Variants in MGAM observed in about 807,000 individuals in gnomAD.
The protein encoded by MGAM is alpha-1,4-glucosidase.
Under a neutral mutation model 358.8 loss-of-function variants are expected in MGAM, and 253 were observed. The ratio of observed to expected loss-of-function variants is 0.71; its 90% confidence interval spans 0.64 to 0.78. MGAM has a LOEUF of 0.78. Ranked by LOEUF, MGAM falls within the 30% of genes least tolerant of loss-of-function variation. The pLI is 0.00. For synonymous variants in MGAM, 1,105 were observed against 1,227.1 expected (o/e 0.90, Z 2.08); for missense variants, 3,080 against 3,432.6 (o/e 0.90, Z 2.57).
Position 142,052,950 on chromosome 7 carries a change from T to C in MGAM, c.3125T>C (p.Val1042Ala). The C allele has an allele frequency of 6.2e-7, 1 of 1,613,872 alleles. No individual in the cohort carries two copies. The highest frequency in any genetic ancestry group is 8.5e-7 in the Non-Finnish European group (1 of 1,179,832). ...CCCGTGAACCCCCTTCGCCTGGATG[T>C]CACTTACCATAAGAATGAAATGCTG... is the stretch of plus-strand genomic sequence containing the variant. ...STPVNPLRLD[V>A]TYHKNEMLQF... The change falls in exon 26 of 71, where the codon GTC becomes GCC. Residue 1042 changes from valine to alanine, a missense_variant. Coordinates refer to ENST00000475668, the MANE Select transcript of MGAM (RefSeq NM_001365693.1).
At chr7:142,042,058 T>TAC (rs1808834252) in intron 21 of MGAM, among the ~76,000 whole-genome samples, 1 of 74,100 alleles carries the variant, frequency 1.3e-5, no homozygotes, top group Non-Finnish European at 2.3e-5. Flanking sequence ...ATAATATATA[T>TAC]ACATATAATA....
In MGAM at chr7:142,005,522, AT is replaced by A; in HGVS notation, c.-2-3del. On this transcript the variant is annotated splice_polypyrimidine_tract_variant and splice_region_variant and intron_variant, in intron 1 of 70. Transcript: ENST00000475668. ...CAAATCTAAAATTGTTTTCTCTTACATTTTAGAGATGGCAAGAAAGAAGCTG... is the reference window on the plus strand; with the variant it reads ...CAAATCTAAAATTGTTTTCTCTTACATTTAGAGATGGCAAGAAAGAAGCTG... The A allele has an allele frequency of 6.6e-7, 1 of 1,517,744 alleles. No individual in the cohort carries two copies. Among genetic ancestry groups the A allele is most frequent in the Non-Finnish European group, 8.8e-7 (1 of 1,132,748 alleles). The allele number at this position is 1,517,744 out of a possible 1,614,324, so 94.0% of individuals were successfully genotyped here.
chr7:142,025,152 A>G lies in MGAM; in HGVS notation c.982+3A>G, dbSNP rs782792686. On this transcript the variant is annotated splice_donor_region_variant and intron_variant, in intron 8 of 70. Transcript: ENST00000475668. ...TCTGATGAACAGCAATGCCATGGGT[A>G]AAGGAATATTCATGGAAAAAACAAG... The G allele has an allele frequency of 1.3e-6, 2 of 1,593,484 alleles. No homozygotes were observed. The highest frequency in any genetic ancestry group is 8.6e-7 in the Non-Finnish European group (1 of 1,161,356).
intron 2 of MGAM, among the ~76,000 whole-genome samples, chr7:141,989,748 C>T (rs988322825): frequency 3.7e-4 from 57 of 152,086 alleles, no homozygotes; most frequent in African/African-American, 1.4e-3. Context: ...GAAAATTCCC[C>T]AGATTTTCAG....
intron 51 of MGAM, 88 bp downstream of exon 51, chr7:142,082,298 T>C (rs1585076285): frequency 6.9e-7 from 1 of 1,440,958 alleles, no homozygotes; most frequent in Non-Finnish European, 9.5e-7. Context: ...AAACTCCACT[T>C]GGTCGTCACA....
At chr7:142,043,808 T>C (rs1809479278) in intron 21 of MGAM, among the ~76,000 whole-genome samples, 1 of 93,678 alleles carries the variant, frequency 1.1e-5, no homozygotes, top group African/African-American at 3.0e-5. Context: ...ATACATTATA[T>C]ACACATACGA....
rs181664150 is a variant in MGAM at position 142,095,884 on chromosome 7, A to G, written c.7607+171A>G. The G allele has an allele frequency of 2.6e-5, 27 of 1,032,388 alleles. 1 individual carries two copies. In the East Asian group the frequency reaches 2.7e-4, roughly 10 times the overall value. The allele number at this position is 1,032,388 out of a possible 1,614,324, so 64.0% of individuals were successfully genotyped here. A position where few individuals can be genotyped will look rare whatever the true frequency, so the allele number is the denominator to read the frequency against. On this transcript the variant is annotated intron_variant, in intron 64 of 70. Transcript: ENST00000475668. Reference sequence around the variant, plus strand: ...CACAGTGCTATACATGCCTTAGGTCATTAATAAAAGGTTATTGATTGAATG... The same window carrying G: ...CACAGTGCTATACATGCCTTAGGTCGTTAATAAAAGGTTATTGATTGAATG...
rs782423007 is a variant in MGAM at position 142,034,776 on chromosome 7, A to G, written c.1894A>G (p.Thr632Ala). The change falls in exon 16 of 71, where the codon ACC becomes GCC. Residue 632 changes from threonine (T) to alanine (A), a missense_variant. Thr to Ala is a moderately conservative substitution (Grantham distance 58, BLOSUM62 0). Coordinates refer to ENST00000475668, the MANE Select transcript of MGAM (RefSeq NM_001365693.1). ...AAHWLGDNTA[T>A]WDDLRWSIPG... ...ACATTGGTTAGGAGACAACACTGCCACCTGGGATGACCTGAGATGGTCCAT... is the reference window on the plus strand; with the variant it reads ...ACATTGGTTAGGAGACAACACTGCCGCCTGGGATGACCTGAGATGGTCCAT... 6 of 1,613,504 alleles carry G rather than the reference A, an allele frequency of 3.7e-6. No individual in the cohort carries two copies. The highest frequency in any genetic ancestry group is 5.1e-6 in the Non-Finnish European group (6 of 1,179,576).
In MGAM at chr7:142,045,583, T is replaced by C. The variant is rs1235441514; in HGVS notation, c.2499-2202T>C. 9.6e-4 allele frequency among the ~76,000 whole-genome samples: 106 copies of C among 109,872 alleles called. 7 individuals are homozygous for C. The highest frequency in any genetic ancestry group is 3.6e-3 in the African/African-American group (95 of 26,582). 72.1% of individuals were successfully genotyped at this position (109,872 alleles called of 152,430 possible). A position where few individuals can be genotyped will look rare whatever the true frequency, so the allele number is the denominator to read the frequency against. On this transcript the variant is annotated intron_variant, in intron 21 of 70. Transcript: ENST00000475668. ...ATGAATATATAATATATATTATATA[T>C]ACATACAATATATGAATATATAATA...
intron 1 of MGAM, among the ~76,000 whole-genome samples, chr7:141,997,180 A>G (rs1469944803): frequency 6.6e-6 from 1 of 152,166 alleles, no homozygotes; most frequent in Non-Finnish European, 1.5e-5. Context: ...AAAGGATACC[A>G]CTAGGTTCTT....
intron 31 of MGAM, among the ~76,000 whole-genome samples, chr7:142,059,083 C>G (rs1297623780): frequency 2.6e-5 from 4 of 152,146 alleles, no homozygotes; most frequent in Admixed American, 2.6e-4. Context: ...TACTATTAGT[C>G]CTGGATAATT....
At chr7:142,041,916 CGTATAATATATAA>C (rs1808668275) in intron 21 of MGAM, among the ~76,000 whole-genome samples, 1 of 21,554 alleles carries the variant, frequency 4.6e-5, no homozygotes, top group Non-Finnish European at 9.0e-5. Flanking sequence ...TATATATATA[CGTATAATATATAA>C]TATATATATT....
At chr7:142,105,779 C>T (rs376202130) in intron 70 of MGAM, 35 bp from the exon 71 acceptor site, 180 of 1,540,130 alleles carry the variant, frequency 1.2e-4, no homozygotes, top group Non-Finnish European at 1.5e-4. Flanking sequence ...ATTTCAACAC[C>T]GGATGCCCAA....
chr7:142,074,028 C>T lies in MGAM; in HGVS notation c.5187-57C>T, dbSNP rs577682387. ...GAAATTTGATGGAAATATTCTCAGC[C>T]CAGTTGGCAAAATTGTCTGACTCCT... On this transcript the variant is annotated intron_variant, in intron 44 of 70. Coordinates refer to ENST00000475668, the MANE Select transcript of MGAM (RefSeq NM_001365693.1). The T allele has an allele frequency of 8.2e-6, 10 of 1,215,390 alleles. 1 individual carries two copies. The East Asian group carries it at 1.2e-4, about 15-fold the overall frequency. The allele number at this position is 1,215,390 out of a possible 1,614,324, so 75.3% of individuals were successfully genotyped here. A position where few individuals can be genotyped will look rare whatever the true frequency, so the allele number is the denominator to read the frequency against.
In MGAM at chr7:142,050,156, C is replaced by A. The variant is rs144656673; in HGVS notation, c.2588-79C>A. 18 of 1,413,516 alleles carry A rather than the reference C, an allele frequency of 1.3e-5. No homozygotes were observed. In the African/African-American group the frequency reaches 2.5e-4, roughly 20 times the overall value. The allele number at this position is 1,413,516 out of a possible 1,614,324, so 87.6% of individuals were successfully genotyped here. On this transcript the variant is annotated intron_variant, in intron 22 of 70. Coordinates refer to ENST00000475668, the MANE Select transcript of MGAM (RefSeq NM_001365693.1). ...TGCTATGTGTGACCTCAAGGCATAGCTGAAAGGAGTGGTAGGGTGAAATCT... is the reference window on the plus strand; with the variant it reads ...TGCTATGTGTGACCTCAAGGCATAGATGAAAGGAGTGGTAGGGTGAAATCT...
intron 65 of MGAM, 115 bp from the exon 66 acceptor site, chr7:142,097,478 A>T (rs1432764566): frequency 1.0e-6 from 1 of 988,610 alleles, no homozygotes; most frequent in African/African-American, 1.6e-5. Flanking sequence ...CTCCTGGGAC[A>T]TGAGGCAAGT....
rs1362941427 is a variant in MGAM at position 142,082,800 on chromosome 7, G to A, written c.6268+229G>A. ...GGTAAAAATCACATAAGAAGGGATA[G>A]TAAAACCACATGGGTCCCAAATGTC... On this transcript the variant is annotated intron_variant, in intron 52 of 70. Transcript: ENST00000475668. 2.1e-5 allele frequency among the ~76,000 whole-genome samples: 3 copies of A among 146,214 alleles called. 1 individual carries two copies. In the East Asian group the frequency reaches 6.0e-4, roughly 29 times the overall value.
At chr7:142,044,611 GATATATAAT>G (rs1809769388) in intron 21 of MGAM, among the ~76,000 whole-genome samples, 1 of 119,856 alleles carries the variant, frequency 8.3e-6, no homozygotes, top group Non-Finnish European at 1.7e-5. Flanking sequence ...TGTAATATAT[GATATATAAT>G]GTATATTATA....
At position 142,048,507 on chromosome 7, in the gene MGAM, C is replaced by T. The variant is rs553456457; in HGVS notation, c.2587+634C>T. ...GAAGAGATGGTTTCAAGACTGTTCC[C>T]GTAACCCAATGTTAATGTCTTCCTC... On this transcript the variant is annotated intron_variant, in intron 22 of 70. Coordinates refer to ENST00000475668, the MANE Select transcript of MGAM (RefSeq NM_001365693.1). 5.3e-5 allele frequency among the ~76,000 whole-genome samples: 8 copies of T among 152,048 alleles called. 1 individual carries two copies. The South Asian group carries it at 1.7e-3, about 31-fold the overall frequency.
Sources: allele counts gnomAD v4.1 joint callset (sites outside exome capture counted in the v4.1 genomes callset), GRCh38; gene constraint gnomAD v4.1.1; transcripts MANE v1.5; gene names NCBI Gene and HGNC (gene_info 2026-07-23, HGNC 2026-07-21).